Variants in C3orf70 observed in about 807,000 individuals in gnomAD.
The protein encoded by C3orf70 is UPF0524 protein C3orf70.
C3orf70 carries 15 observed loss-of-function variants against 20.7 expected under a neutral mutation model. That is an observed-to-expected ratio of 0.72 (90% CI 0.48 to 1.11). C3orf70 has a LOEUF of 1.11. Ranked by LOEUF, C3orf70 falls within the 50% of genes most tolerant of loss-of-function variation. The probability of loss-of-function intolerance (pLI) is 0.00; values close to 1 mark genes in which losing one functional copy is unlikely to be tolerated. For synonymous variants in C3orf70, 161 were observed against 125.7 expected (o/e 1.28, Z -1.88); for missense variants, 332 against 317.6 (o/e 1.05, Z -0.34).
At position 185,093,492 on chromosome 3, in the gene C3orf70, G is replaced by C. The variant is rs572460358; in HGVS notation, c.197-9929C>G. The stretch of plus-strand genomic sequence containing the variant: ...ACAGATATATGCAACAAATTATTGT[G>C]TATTTTAACAAGCAACCACCAGTGA... On this transcript the variant is annotated intron_variant, in intron 1 of 1. Transcript: ENST00000335012. 2.0e-5 allele frequency among the ~76,000 whole-genome samples: 3 copies of C among 152,278 alleles called. No homozygotes were observed. In the East Asian group the frequency reaches 5.8e-4, roughly 29 times the overall value.
intron 1 of C3orf70, among the ~76,000 whole-genome samples, chr3:185,129,547 T>C (rs144680126): frequency 1.1e-3 from 165 of 152,308 alleles, no homozygotes; most frequent in African/African-American, 3.8e-3. Flanking sequence ...CACGAGTGCA[T>C]ATGTCTTTTT....
intron 1 of C3orf70, among the ~76,000 whole-genome samples, chr3:185,115,936 G>T (rs9829936): frequency 0.052 from 7,900 of 152,194 alleles, 670 homozygotes; most frequent in African/African-American, 0.18. Context: ...AGGTCTCACC[G>T]CTCCTAAAAC....
intron 1 of C3orf70, among the ~76,000 whole-genome samples, chr3:185,103,774 G>C (rs1715869261): frequency 6.6e-6 from 1 of 152,148 alleles, no homozygotes; most frequent in East Asian, 1.9e-4. Flanking sequence ...GGAAAACTCA[G>C]GCTGCACCTG....
intron 1 of C3orf70, among the ~76,000 whole-genome samples, chr3:185,120,039 G>GAAAAAGAAAGAAAAAT (rs1716265260): frequency 1.1e-5 from 1 of 94,784 alleles, no homozygotes; most frequent in Non-Finnish European, 2.2e-5. Context: ...AAAAAAAAAA[G>GAAAAAGAAAGAAAAAT]AAAAAGAAAA....
At chr3:185,132,191 A>C (rs540122326) in intron 1 of C3orf70, among the ~76,000 whole-genome samples, 13 of 152,334 alleles carry the variant, frequency 8.5e-5, no homozygotes, top group Admixed American at 7.2e-4. Flanking sequence ...CACAGTTAAA[A>C]ATTTGTGAAA....
intron 1 of C3orf70, among the ~76,000 whole-genome samples, chr3:185,115,757 C>A (rs1716161062): frequency 6.6e-6 from 1 of 152,144 alleles, no homozygotes; most frequent in Non-Finnish European, 1.5e-5. Context: ...GATCAGGTTG[C>A]TGGCATGGTT....
At chr3:185,093,381 C>A (rs539711972) in intron 1 of C3orf70, among the ~76,000 whole-genome samples, 2 of 152,208 alleles carry the variant, frequency 1.3e-5, no homozygotes, top group Admixed American at 1.3e-4. Flanking sequence ...GAATTCACAA[C>A]AGCCAATCTG....
rs115118801 is a variant in C3orf70 at position 185,077,365 on chromosome 3, C to A, written c.*5642G>T. Reference sequence around the variant, plus strand: ...GACTGCCACTCATGTACGAGCTGTGCCACACTGGGTAAAGATGTGGACTTC... The same window carrying A: ...GACTGCCACTCATGTACGAGCTGTGACACACTGGGTAAAGATGTGGACTTC... On this transcript the variant is annotated 3_prime_UTR_variant, in exon 2 of 2. Transcript: ENST00000335012. 0.01 allele frequency among the ~76,000 whole-genome samples: 1,584 copies of A among 152,216 alleles called. 31 individuals carry two copies. The highest frequency in any genetic ancestry group is 0.036 in the African/African-American group (1,492 of 41,520).
At chr3:185,086,307 AGT>A (rs1390318334) in intron 1 of C3orf70, among the ~76,000 whole-genome samples, 1 of 151,924 alleles carries the variant, frequency 6.6e-6, no homozygotes, top group Non-Finnish European at 1.5e-5. Flanking sequence ...CTTTCTTGAA[AGT>A]GTAGTGCTGT....
intron 1 of C3orf70, among the ~76,000 whole-genome samples, chr3:185,121,358 T>TTA (rs1367298633): frequency 8.4e-6 from 1 of 119,698 alleles, no homozygotes; most frequent in Non-Finnish European, 1.9e-5. Flanking sequence ...CTATGGAAAT[T>TTA]AAAAAAAAAA....
intron 1 of C3orf70, among the ~76,000 whole-genome samples, chr3:185,107,957 C>G (rs1715981721): frequency 6.6e-6 from 1 of 152,138 alleles, no homozygotes; most frequent in South Asian, 2.1e-4. Flanking sequence ...CGGACTCTAA[C>G]TCCTTATTTA....
chr3:185,124,153 T>C (rs1716363825), intron 1 of C3orf70, among the ~76,000 whole-genome samples: 1 of 152,188 alleles, frequency 6.6e-6, no homozygotes, highest in African/African-American at 2.4e-5. Context: ...AGAATGTGCA[T>C]AGGTTACAAG....
In C3orf70 at chr3:185,092,854, G is replaced by A. The variant is rs539542393; in HGVS notation, c.197-9291C>T. Among the ~76,000 whole-genome samples, 57 of 152,160 alleles carry A rather than the reference G, an allele frequency of 3.7e-4. 1 individual carries two copies. The highest frequency in any genetic ancestry group is 2.1e-3 in the South Asian group (10 of 4,820). Reference sequence around the variant, plus strand: ...AAAAATACAAAAATTAGTTGGGTGCGGTGGCACATGCCTGTAATCCCAGCT... The same window carrying A: ...AAAAATACAAAAATTAGTTGGGTGCAGTGGCACATGCCTGTAATCCCAGCT... On this transcript the variant is annotated intron_variant, in intron 1 of 1. Coordinates refer to ENST00000335012, the MANE Select transcript of C3orf70 (RefSeq NM_001025266.3).
intron 1 of C3orf70, among the ~76,000 whole-genome samples, chr3:185,089,288 A>G (rs1309874344): frequency 1.3e-5 from 2 of 152,104 alleles, no homozygotes; most frequent in Non-Finnish European, 2.9e-5. Flanking sequence ...ATAAGCATGG[A>G]CCCACAGATA....
intron 1 of C3orf70, among the ~76,000 whole-genome samples, chr3:185,107,758 T>C (rs149206015): frequency 1.4e-4 from 22 of 152,358 alleles, no homozygotes; most frequent in Middle Eastern, 3.4e-3. Context: ...GAGCCATCAA[T>C]TCAGTTATAC....
chr3:185,141,801 AACACACACACACACAC>A (rs66562532), intron 1 of C3orf70, among the ~76,000 whole-genome samples: 37 of 146,356 alleles, frequency 2.5e-4, no homozygotes, highest in Non-Finnish European at 4.8e-4. Flanking sequence ...ATGCAAAGGA[AACACACACACACACAC>A]ACACACACAC....
At chr3:185,142,711 G>C (rs1159392266) in intron 1 of C3orf70, among the ~76,000 whole-genome samples, 1 of 152,108 alleles carries the variant, frequency 6.6e-6, no homozygotes, top group Admixed American at 6.5e-5. Flanking sequence ...AAAGCAAAAG[G>C]CATCTTTATA....
At chr3:185,114,962 G>A (rs562416007) in intron 1 of C3orf70, among the ~76,000 whole-genome samples, 1 of 152,346 alleles carries the variant, frequency 6.6e-6, no homozygotes, top group Admixed American at 6.5e-5. Flanking sequence ...TACAGCCTCA[G>A]GCAATTCACT....
At position 185,149,898 on chromosome 3, in the gene C3orf70, C is replaced by T. The variant is rs933998735; in HGVS notation, c.196+2730G>A. 3.9e-5 allele frequency among the ~76,000 whole-genome samples: 6 copies of T among 152,166 alleles called. No individual in the cohort carries two copies. The South Asian group carries it at 6.2e-4, about 16-fold the overall frequency. Reference sequence around the variant, plus strand: ...AACGACAGTCCAGTATACTTGACGTCAATCCTTTTCTAAATTCAGATTATT... The same window carrying T: ...AACGACAGTCCAGTATACTTGACGTTAATCCTTTTCTAAATTCAGATTATT... On this transcript the variant is annotated intron_variant, in intron 1 of 1. Coordinates refer to ENST00000335012, the MANE Select transcript of C3orf70 (RefSeq NM_001025266.3).
Sources: allele counts gnomAD v4.1 joint callset (sites outside exome capture counted in the v4.1 genomes callset), GRCh38; gene constraint gnomAD v4.1.1; transcripts MANE v1.5; gene names NCBI Gene and HGNC (gene_info 2026-07-23, HGNC 2026-07-21).